Variants in HCN1 observed in about 807,000 individuals in gnomAD.
The protein encoded by HCN1 is potassium/sodium hyperpolarization-activated cyclic nucleotide-gated channel 1.
HCN1 carries 13 observed loss-of-function variants against 78.9 expected under a neutral mutation model. The ratio of observed to expected loss-of-function variants is 0.16; its 90% CI spans 0.11 to 0.26. The LOEUF is 0.26. Among genes scored for constraint, HCN1 ranks in the 10% least tolerant of loss-of-function variants. The probability of loss-of-function intolerance (pLI) is 1.00; values close to 1 mark genes in which losing one functional copy is unlikely to be tolerated. For missense variants in HCN1, 810 were observed against 1,154.3 expected (o/e 0.70, Z 4.32); for synonymous variants, 552 against 455.5 (o/e 1.21, Z -2.70).
At chr5:45,340,789 T>C (rs965679413) in intron 5 of HCN1, among the ~76,000 whole-genome samples, 40 of 152,140 alleles carry the variant, frequency 2.6e-4, no homozygotes, top group African/African-American at 9.7e-4. Flanking sequence ...CTGAATAGGA[T>C]CTAGTTTAAG....
At chr5:45,536,237 C>A (rs1435612805) in intron 2 of HCN1, among the ~76,000 whole-genome samples, 1 of 152,016 alleles carries the variant, frequency 6.6e-6, no homozygotes, top group African/African-American at 2.4e-5. Flanking sequence ...AAATTGATGT[C>A]TTCTGGGAAG....
chr5:45,459,251 C>CAATAAAATAA (rs551221127), intron 3 of HCN1, among the ~76,000 whole-genome samples: 3 of 151,434 alleles, frequency 2.0e-5, no homozygotes, highest in Non-Finnish European at 4.4e-5. Context: ...AAAATAAAAA[C>CAATAAAATAA]AATAAAATAA....
In HCN1 at chr5:45,315,108, T is replaced by C. The variant is rs1745952854; in HGVS notation, c.1378-11269A>G. Among the ~76,000 whole-genome samples the C allele has an allele frequency of 2.0e-5, 3 of 152,178 alleles. No individual in the cohort carries two copies. In the South Asian group the frequency reaches 6.2e-4, roughly 32 times the overall value. On this transcript the variant is annotated intron_variant, in intron 5 of 7. Coordinates refer to ENST00000303230, the MANE Select transcript of HCN1 (RefSeq NM_021072.4). ...CTCTCCAACCCAAATCAACAGAATA[T>C]ACATTCTTCTCAGCACCACATCACA...
At chr5:45,578,090 G>T (rs1178631465) in intron 2 of HCN1, among the ~76,000 whole-genome samples, 14 of 151,978 alleles carry the variant, frequency 9.2e-5, no homozygotes, top group African/African-American at 3.4e-4. Context: ...GGATATTTTT[G>T]TCACAGGGAT....
rs1020586220 is a variant in HCN1, at chr5:45,341,004, T to C, written c.1377+12096A>G. On this transcript the variant is annotated intron_variant, in intron 5 of 7. Transcript: ENST00000303230. ...TCCTTTTTGCATTCCCTCAATGAGA[T>C]TTTAACTAGATAACATTTCCTTAAC... Among the ~76,000 whole-genome samples, 7 of 152,198 alleles carry C rather than the reference T, an allele frequency of 4.6e-5. No individual in the cohort carries two copies. The South Asian group carries it at 6.2e-4, about 13-fold the overall frequency.
At chr5:45,377,418 CT>C (rs1747706067) in intron 4 of HCN1, among the ~76,000 whole-genome samples, 1 of 151,118 alleles carries the variant, frequency 6.6e-6, no homozygotes, top group Admixed American at 6.6e-5. Flanking sequence ...TAAAAATGAT[CT>C]TTTTTGCTTC....
At chr5:45,287,727 T>C (rs1434083890) in intron 6 of HCN1, among the ~76,000 whole-genome samples, 2 of 152,080 alleles carry the variant, frequency 1.3e-5, no homozygotes, top group East Asian at 3.9e-4. Context: ...CACATTGATA[T>C]AGAGTCATTT....
intron 2 of HCN1, among the ~76,000 whole-genome samples, chr5:45,512,489 T>C (rs919857301): frequency 5.3e-5 from 8 of 152,128 alleles, no homozygotes; most frequent in Non-Finnish European, 1.2e-4. Flanking sequence ...TTAGTATGTA[T>C]AAAAAATATT....
At chr5:45,669,373 T>G (rs1188876177) in intron 1 of HCN1, among the ~76,000 whole-genome samples, 1 of 151,672 alleles carries the variant, frequency 6.6e-6, no homozygotes. Flanking sequence ...TGTGAACATT[T>G]TGAGAGTAGA....
At chr5:45,312,309 C>A (rs138076748) in intron 5 of HCN1, among the ~76,000 whole-genome samples, 1 of 152,142 alleles carries the variant, frequency 6.6e-6, no homozygotes, top group Non-Finnish European at 1.5e-5. Flanking sequence ...AATGAAACAG[C>A]AATAAAGAAT....
intron 1 of HCN1, among the ~76,000 whole-genome samples, chr5:45,655,516 T>C (rs1745747370): frequency 6.6e-6 from 1 of 152,152 alleles, no homozygotes; most frequent in African/African-American, 2.4e-5. Flanking sequence ...TTAAAAATCG[T>C]ACACTTATTA....
intron 2 of HCN1, among the ~76,000 whole-genome samples, chr5:45,492,518 TG>T (rs1346264733): frequency 1.7e-5 from 2 of 114,598 alleles, no homozygotes; most frequent in African/African-American, 8.7e-5. Flanking sequence ...ACAGTTTTTT[TG>T]TTTTTTTTTT....
At chr5:45,671,083 A>T (rs77197422) in intron 1 of HCN1, among the ~76,000 whole-genome samples, 3,824 of 151,800 alleles carry the variant, frequency 0.025, 187 homozygotes, top group African/African-American at 0.087. Context: ...AGTAAACTCA[A>T]ATAAATTCCT....
intron 4 of HCN1, among the ~76,000 whole-genome samples, chr5:45,380,587 A>T (rs1481665976): frequency 6.6e-6 from 1 of 152,142 alleles, no homozygotes; most frequent in Non-Finnish European, 1.5e-5. Context: ...AGAAAATGGT[A>T]AAAATGATAT....
At chr5:45,364,014 T>G (rs1385437443) in intron 4 of HCN1, among the ~76,000 whole-genome samples, 1 of 152,102 alleles carries the variant, frequency 6.6e-6, no homozygotes, top group Non-Finnish European at 1.5e-5. Flanking sequence ...ATTCTTTTAT[T>G]AGGCTCTGCT....
chr5:45,686,515 CTT>C (rs1226593353), intron 1 of HCN1, among the ~76,000 whole-genome samples: 1 of 152,162 alleles, frequency 6.6e-6, no homozygotes, highest in East Asian at 1.9e-4. Flanking sequence ...GCACCACAAT[CTT>C]TATTTAAAAC....
chr5:45,297,296 A>G (rs760390226), intron 6 of HCN1, among the ~76,000 whole-genome samples: 11 of 152,042 alleles, frequency 7.2e-5, no homozygotes, highest in Non-Finnish European at 1.5e-4. Context: ...GGCGGTTTCC[A>G]CCCTGGGCGG....
intron 6 of HCN1, among the ~76,000 whole-genome samples, chr5:45,278,576 A>G (rs1745107338): frequency 6.6e-6 from 1 of 152,116 alleles, no homozygotes; most frequent in South Asian, 2.1e-4. Context: ...ACAATCATAA[A>G]AATGCCACTG....
intron 2 of HCN1, among the ~76,000 whole-genome samples, chr5:45,550,362 T>G (rs1161439152): frequency 6.6e-6 from 1 of 152,094 alleles, no homozygotes; most frequent in African/African-American, 2.4e-5. Context: ...ATGGATGACC[T>G]GGAAACCATC....
Sources: allele counts gnomAD v4.1 joint callset (sites outside exome capture counted in the v4.1 genomes callset), GRCh38; gene constraint gnomAD v4.1.1; transcripts MANE v1.5; gene names NCBI Gene and HGNC (gene_info 2026-07-23, HGNC 2026-07-21).